The following GPC5 variants were observed in gnomAD, a reference collection of about 807,000 sequenced individuals.
GPC5 encodes glypican 5, also known as glypican-5.
A neutral mutation model predicts 53.9 loss-of-function variants in GPC5; 47 were observed. The observed-to-expected ratio is 0.87, with a 90% confidence interval of 0.69 to 1.11. The LOEUF (loss-of-function observed/expected upper bound fraction) is 1.11. Among genes scored for constraint, GPC5 ranks in the 50% most tolerant of loss-of-function variants. GPC5 has a pLI of 0.00. For missense variants in GPC5, 748 were observed against 713.1 expected, an observed-to-expected ratio of 1.05 and a Z score of -0.56; for synonymous variants, 286 against 263.3, an observed-to-expected ratio of 1.09 and a Z score of -0.84.
chr13:92,226,120 C>A (rs971928390), intron 7 of GPC5, among the ~76,000 whole-genome samples: 2 of 152,158 alleles, frequency 1.3e-5, no homozygotes, highest in Non-Finnish European at 2.9e-5. Context: ...TCTCCTGCCA[C>A]AAAGTAATAT....
intron 6 of GPC5, among the ~76,000 whole-genome samples, chr13:92,041,659 A>G (rs1405350771): frequency 6.6e-6 from 1 of 152,184 alleles, no homozygotes; most frequent in Non-Finnish European, 1.5e-5. Flanking sequence ...GATTAATACC[A>G]TAAGTCTAAG....
intron 7 of GPC5, among the ~76,000 whole-genome samples, chr13:92,273,082 T>G (rs958476237): frequency 1.2e-4 from 18 of 152,222 alleles, no homozygotes; most frequent in African/African-American, 3.9e-4. Context: ...GAAAATAAAT[T>G]TACTTGAAAA....
intron 2 of GPC5, among the ~76,000 whole-genome samples, chr13:91,529,761 A>T (rs1886252096): frequency 6.6e-6 from 1 of 152,174 alleles, no homozygotes; most frequent in Non-Finnish European, 1.5e-5. Flanking sequence ...AACATTCCTC[A>T]TAAGAGTCCT....
intron 2 of GPC5, among the ~76,000 whole-genome samples, chr13:91,516,891 T>C (rs1885533735): frequency 6.6e-6 from 1 of 152,196 alleles, no homozygotes; most frequent in Admixed American, 6.5e-5. Context: ...GGCTTGGGGC[T>C]TCCACCCTCT....
chr13:91,404,068 C>A (rs1877145812), intron 1 of GPC5, among the ~76,000 whole-genome samples: 1 of 152,202 alleles, frequency 6.6e-6, no homozygotes, highest in African/African-American at 2.4e-5. Flanking sequence ...TATCACCCCC[C>A]AATCCCTATT....
At chr13:92,280,173 CAT>C (rs571113134) in intron 7 of GPC5, among the ~76,000 whole-genome samples, 116 of 152,122 alleles carry the variant, frequency 7.6e-4, no homozygotes, top group Non-Finnish European at 1.4e-3. Flanking sequence ...AATTTGTTGT[CAT>C]ATAATTATTC....
intron 7 of GPC5, among the ~76,000 whole-genome samples, chr13:92,562,933 G>A (rs1298923783): frequency 6.6e-6 from 1 of 151,922 alleles, no homozygotes; most frequent in Non-Finnish European, 1.5e-5. Context: ...TAGCAGGGTA[G>A]CATAATAAAA....
chr13:92,543,989 A>T (rs1479343993), intron 7 of GPC5, among the ~76,000 whole-genome samples: 5 of 151,178 alleles, frequency 3.3e-5, no homozygotes, highest in African/African-American at 1.2e-4. Context: ...TTTTTTTTTT[A>T]AATACTACAT....
intron 7 of GPC5, among the ~76,000 whole-genome samples, chr13:92,691,553 A>G (rs1307740502): frequency 6.6e-6 from 1 of 151,968 alleles, no homozygotes; most frequent in Non-Finnish European, 1.5e-5. Context: ...GGAGCTGTAG[A>G]CCGGAGCTGT....
intron 7 of GPC5, among the ~76,000 whole-genome samples, chr13:92,523,615 A>G (rs574101263): frequency 2.0e-5 from 3 of 152,090 alleles, no homozygotes; most frequent in Non-Finnish European, 4.4e-5. Flanking sequence ...ATTTTAGTGA[A>G]TTTTAAATTA....
chr13:91,999,151 G>T (rs965337092), intron 6 of GPC5, among the ~76,000 whole-genome samples: 1 of 151,956 alleles, frequency 6.6e-6, no homozygotes, highest in Non-Finnish European at 1.5e-5. Flanking sequence ...TGAATAAAGA[G>T]AAATTTAATC....
intron 6 of GPC5, among the ~76,000 whole-genome samples, chr13:92,044,183 C>T (rs1386912759): frequency 6.6e-6 from 1 of 152,168 alleles, no homozygotes; most frequent in African/African-American, 2.4e-5. Context: ...TATTCTTAAC[C>T]TGTATTTGTA....
chr13:92,363,738 A>C (rs2043586994), intron 7 of GPC5, among the ~76,000 whole-genome samples: 1 of 151,764 alleles, frequency 6.6e-6, no homozygotes, highest in South Asian at 2.1e-4. Context: ...GGGTAACTTA[A>C]CTGAATGCCA....
intron 7 of GPC5, among the ~76,000 whole-genome samples, chr13:92,637,715 G>A (rs1474659681): frequency 6.6e-6 from 1 of 152,072 alleles, no homozygotes; most frequent in Non-Finnish European, 1.5e-5. Flanking sequence ...ACTATGTCCA[G>A]CATTTGATAA....
At chr13:91,960,620 A>T (rs1377895724) in intron 6 of GPC5, among the ~76,000 whole-genome samples, 2 of 152,052 alleles carry the variant, frequency 1.3e-5, no homozygotes, top group East Asian at 3.9e-4. Context: ...AGGCAAAAAC[A>T]ATAAAGCTGG....
intron 7 of GPC5, among the ~76,000 whole-genome samples, chr13:92,839,875 T>G (rs146577721): frequency 6.6e-6 from 1 of 151,958 alleles, no homozygotes; most frequent in Non-Finnish European, 1.5e-5. Context: ...TTCCTCTACA[T>G]ATTTATTTCC....
chr13:91,754,095 G>A (rs930575393), intron 4 of GPC5, among the ~76,000 whole-genome samples: 6 of 152,150 alleles, frequency 3.9e-5, no homozygotes, highest in African/African-American at 1.4e-4. Flanking sequence ...GTATGACGGT[G>A]TGTTTGGAAA....
intron 5 of GPC5, among the ~76,000 whole-genome samples, chr13:91,881,070 G>T (rs2039259244): frequency 6.6e-6 from 1 of 151,990 alleles, no homozygotes; most frequent in African/African-American, 2.4e-5. Context: ...GGATTACAGG[G>T]GTAAGCCACT....
intron 7 of GPC5, among the ~76,000 whole-genome samples, chr13:92,489,810 T>G (rs1566613342): frequency 6.6e-6 from 1 of 151,910 alleles, no homozygotes; most frequent in African/African-American, 2.4e-5. Flanking sequence ...GATTCACCTA[T>G]TCATAAGCCA....
Sources: gnomAD v4.1 joint callset for allele counts (sites outside exome capture counted in the v4.1 genomes callset) on GRCh38, gnomAD v4.1.1 for gene constraint, MANE v1.5 for transcripts, NCBI Gene and HGNC (gene_info 2026-07-23, HGNC 2026-07-21) for gene names.